RBM47: variants seen among roughly 807,000 people sequenced by gnomAD.
RBM47 encodes RNA-binding protein 47.
Under a neutral mutation model 47.1 loss-of-function variants are expected in RBM47, and 21 were observed. The ratio of observed to expected loss-of-function variants is 0.45; its 90% CI spans 0.32 to 0.64. RBM47 has a LOEUF of 0.64. Among genes scored for constraint, RBM47 ranks in the 30% least tolerant of loss-of-function variants. The pLI is 0.05. For synonymous variants in RBM47, 375 were observed against 361.7 expected (o/e 1.04, Z -0.42); for missense variants, 708 against 870.9 (o/e 0.81, Z 2.35).
chr4:40,460,528 G>A (rs1716952618), intron 3 of RBM47, among the ~76,000 whole-genome samples: 1 of 152,182 alleles, frequency 6.6e-6, no homozygotes, highest in Admixed American at 6.5e-5. Context: ...AATGGGAATA[G>A]ACCGGGTGTG....
intron 2 of RBM47, among the ~76,000 whole-genome samples, chr4:40,468,022 A>G (rs549237505): frequency 6.6e-6 from 1 of 152,228 alleles, no homozygotes; most frequent in Non-Finnish European, 1.5e-5. Flanking sequence ...GTGGTGGCTC[A>G]TGCCTGTAAT....
At chr4:40,485,512 T>C (rs979131945) in intron 2 of RBM47, among the ~76,000 whole-genome samples, 2 of 152,202 alleles carry the variant, frequency 1.3e-5, no homozygotes, top group African/African-American at 4.8e-5. Flanking sequence ...CTCATTTCTC[T>C]GGCTTTAGTT....
intron 1 of RBM47, among the ~76,000 whole-genome samples, chr4:40,598,682 A>G (rs1445060539): frequency 1.3e-5 from 2 of 152,214 alleles, no homozygotes; most frequent in African/African-American, 4.8e-5. Context: ...CAGGAATGAA[A>G]GTCTGAAAAT....
chr4:40,475,870 C>T (rs1468903449), intron 2 of RBM47: 1 of 152,188 alleles, frequency 6.6e-6, no homozygotes, highest in Non-Finnish European at 1.5e-5. Flanking sequence ...CTAAGGGCAC[C>T]TGGAATGAGC....
At chr4:40,601,644 G>A (rs1431544523) in intron 1 of RBM47, among the ~76,000 whole-genome samples, 1 of 152,196 alleles carries the variant, frequency 6.6e-6, no homozygotes, top group Non-Finnish European at 1.5e-5. Context: ...AGCTTCGCTT[G>A]CTTGTTTGTT....
chr4:40,506,781 A>G (rs1055103204), intron 2 of RBM47, among the ~76,000 whole-genome samples: 17 of 152,166 alleles, frequency 1.1e-4, no homozygotes. Flanking sequence ...TTGGAGGAAA[A>G]GAATGATTCA....
At position 40,437,881 on chromosome 4, in the gene RBM47, TCAGCCGCGCCGC is replaced by T; in HGVS notation, c.1001_1012del (p.Gly334_Ala337del). ...CACGTAGCTGGGCTGCTGCGCTGCCTCAGCCGCGCCGCCGCCCCTGGCTGCCTTCTGGTAGCG... is the reference window on the plus strand; with the variant it reads ...CACGTAGCTGGGCTGCTGCGCTGCCTCGCCCCTGGCTGCCTTCTGGTAGCG... On this transcript the variant is annotated inframe_deletion, in exon 4 of 7. Coordinates refer to ENST00000295971, the MANE Select transcript of RBM47 (RefSeq NM_001098634.2). 1.2e-6 allele frequency: 2 copies of T among 1,613,972 alleles called. No individual in the cohort carries two copies. Among genetic ancestry groups the T allele is most frequent in the Non-Finnish European group, 1.7e-6 (2 of 1,180,008 alleles).
chr4:40,545,150 C>T (rs1046088019), intron 1 of RBM47, among the ~76,000 whole-genome samples: 7 of 148,846 alleles, frequency 4.7e-5, no homozygotes, highest in African/African-American at 1.7e-4. Flanking sequence ...CTCCCAGGTT[C>T]AAGCAATTCT....
chr4:40,619,154 C>T (rs941257305), intron 1 of RBM47, among the ~76,000 whole-genome samples: 120 of 152,148 alleles, frequency 7.9e-4, no homozygotes, highest in Admixed American at 1.4e-3. Context: ...CCTGGACAGG[C>T]GCAGTGGCTC....
chr4:40,552,399 AAAAT>A (rs139016282), intron 1 of RBM47, among the ~76,000 whole-genome samples: 49,681 of 151,004 alleles, frequency 0.33, 11,321 homozygotes, highest in African/African-American at 0.65. Flanking sequence ...CTCTGTCTCA[AAAAT>A]AAATAAATAA....
rs139117754 is a variant in RBM47, at chr4:40,626,602, A to C, written c.-240+2794T>G. Among the ~76,000 whole-genome samples, 1,109 of 152,208 alleles carry C rather than the reference A, an allele frequency of 7.3e-3. 5 individuals carry two copies. Among genetic ancestry groups the C allele is most frequent in the South Asian group, 0.023 (113 of 4,824 alleles). ...CCTTTCTACTTTCGCTGGAAAATGA[A>C]AGTTTTCCTCCCCCACACCTTTTTC... On this transcript the variant is annotated intron_variant, in intron 1 of 6. Transcript: ENST00000295971.
At chr4:40,433,184 C>CCAGGAGTTCA (rs1711622365) in intron 5 of RBM47, among the ~76,000 whole-genome samples, 3 of 152,136 alleles carry the variant, frequency 2.0e-5, no homozygotes, top group African/African-American at 7.2e-5. Flanking sequence ...TGGTCTTGAA[C>CCAGGAGTTCA]TCCTGAGCTC....
chr4:40,454,435 G>GT (rs1204962288), intron 3 of RBM47, among the ~76,000 whole-genome samples: 8 of 152,262 alleles, frequency 5.3e-5, no homozygotes, highest in Non-Finnish European at 1.0e-4. Context: ...AAGTAAGGGT[G>GT]TGATCAGTGT....
At chr4:40,481,220 T>C (rs1018193036) in intron 2 of RBM47, among the ~76,000 whole-genome samples, 2 of 151,770 alleles carry the variant, frequency 1.3e-5, no homozygotes, top group Admixed American at 6.6e-5. Flanking sequence ...TATCCCGAGA[T>C]GTACTCAAGC....
At chr4:40,551,307 C>A (rs1297579473) in intron 1 of RBM47, among the ~76,000 whole-genome samples, 5 of 152,112 alleles carry the variant, frequency 3.3e-5, no homozygotes, top group Admixed American at 3.3e-4. Flanking sequence ...AATTTTAAGG[C>A]CCTTTAGTAC....
intron 2 of RBM47, among the ~76,000 whole-genome samples, chr4:40,468,346 T>TA (rs899146040): frequency 9.2e-5 from 14 of 151,586 alleles, no homozygotes; most frequent in Non-Finnish European, 7.4e-5. Context: ...TTCTCAACAT[T>TA]AAAAAAAAAT....
chr4:40,609,315 T>C (rs1736041212), intron 1 of RBM47, among the ~76,000 whole-genome samples: 1 of 148,524 alleles, frequency 6.7e-6, no homozygotes, highest in Non-Finnish European at 1.5e-5. Flanking sequence ...TTTATTTTTA[T>C]TGGTTTTTTT....
chr4:40,546,732 G>A (rs1202868175), intron 1 of RBM47, among the ~76,000 whole-genome samples: 1 of 152,170 alleles, frequency 6.6e-6, no homozygotes, highest in Non-Finnish European at 1.5e-5. Context: ...ACTTGCTTCG[G>A]TGAGTCCAAC....
At chr4:40,613,397 T>C (rs1736416094) in intron 1 of RBM47, among the ~76,000 whole-genome samples, 1 of 152,168 alleles carries the variant, frequency 6.6e-6, no homozygotes, top group Non-Finnish European at 1.5e-5. Flanking sequence ...ATGACATTAG[T>C]AGCCTCGAAA....
Sources: allele counts gnomAD v4.1 joint callset (sites outside exome capture counted in the v4.1 genomes callset), GRCh38; gene constraint gnomAD v4.1.1; transcripts MANE v1.5; gene names NCBI Gene and HGNC (gene_info 2026-07-23, HGNC 2026-07-21).